WDFY4: variants seen among roughly 807,000 people sequenced by gnomAD.
WDFY4 encodes the protein WD repeat- and FYVE domain-containing protein 4.
Under a neutral mutation model 351.9 loss-of-function variants are expected in WDFY4, and 169 were observed. That is an observed-to-expected ratio of 0.48 (90% CI 0.42 to 0.55). The LOEUF (loss-of-function observed/expected upper bound fraction) is 0.55, where lower values mean the gene tolerates loss of function less well. Ranked by LOEUF, WDFY4 falls within the 20% of genes least tolerant of loss-of-function variation. WDFY4 has a pLI of 0.00. For synonymous variants in WDFY4, 1,622 were observed against 1,574.6 expected, an observed-to-expected ratio of 1.03 and a Z score of -0.71; for missense variants, 3,803 against 3,935.6, an observed-to-expected ratio of 0.97 and a Z score of 0.90.
At chr10:48,969,634 G>C (rs1842247425) in intron 56 of WDFY4, among the ~76,000 whole-genome samples, 1 of 152,140 alleles carries the variant, frequency 6.6e-6, no homozygotes, top group Admixed American at 6.5e-5. Flanking sequence ...GGAGCAAGCT[G>C]TTTCCCTACT....
At position 48,873,633 on chromosome 10, in the gene WDFY4, C is replaced by T; in HGVS notation, c.6884C>T (p.Ala2295Val). 1.3e-6 allele frequency: 2 copies of T among 1,551,842 alleles called. No individual in the cohort carries two copies. Among genetic ancestry groups the T allele is most frequent in the Non-Finnish European group, 1.7e-6 (2 of 1,147,018 alleles). ...GAACTCGACTGGAGAGAAGGACCAG[C>T]TCGAATGAGGAAACGCATCAAACGC... ...PWELDWREGP[A>V]RMRKRIKRLS... Residue 2295 changes from alanine to valine, a missense_variant, in exon 41 of 62, where the codon GCT becomes GTT. Ala to Val is a moderately conservative substitution (Grantham distance 64). Transcript: ENST00000325239.
chr10:48,957,877 C>A (rs1342671877), intron 52 of WDFY4, among the ~76,000 whole-genome samples: 1 of 152,194 alleles, frequency 6.6e-6, no homozygotes, highest in Non-Finnish European at 1.5e-5. Context: ...CCCCTGGGGA[C>A]TGTTTGTATG....
At chr10:48,950,964 G>A (rs1841294169) in intron 51 of WDFY4, among the ~76,000 whole-genome samples, 1 of 152,230 alleles carries the variant, frequency 6.6e-6, no homozygotes, top group African/African-American at 2.4e-5. Flanking sequence ...ACCCAGTGCG[G>A]TCTGCTGGGT....
intron 41 of WDFY4, 106 bp from the exon 42 acceptor site, chr10:48,874,983 G>T: frequency 2.0e-6 from 1 of 501,530 alleles, no homozygotes; most frequent in Non-Finnish European, 3.3e-6. Flanking sequence ...ATAATTTGAA[G>T]GGGTCACATG....
intron 2 of WDFY4, among the ~76,000 whole-genome samples, chr10:48,716,968 TAA>T (rs1257859018): frequency 6.6e-6 from 1 of 152,222 alleles, no homozygotes; most frequent in African/African-American, 2.4e-5. Context: ...GTGGCAGCTA[TAA>T]GTTTCGTAGA....
At chr10:48,966,458 T>C in intron 54 of WDFY4, 68 bp from the exon 55 acceptor site, 1 of 1,476,982 alleles carries the variant, frequency 6.8e-7, no homozygotes, top group Non-Finnish European at 9.1e-7. Flanking sequence ...GCAGCTACAG[T>C]GTGCACAGGG....
intron 1 of WDFY4, among the ~76,000 whole-genome samples, chr10:48,708,636 G>A (rs2063694123): frequency 6.6e-6 from 1 of 152,178 alleles, no homozygotes; most frequent in African/African-American, 2.4e-5. Flanking sequence ...TTGAAGGTGT[G>A]TACCTTTGGG....
intron 57 of WDFY4, among the ~76,000 whole-genome samples, chr10:48,974,527 A>AACAAAACAAC (rs1701883534): frequency 1.3e-4 from 3 of 23,148 alleles, no homozygotes; most frequent in Non-Finnish European, 1.9e-4. Context: ...AAAAAAAAAA[A>AACAAAACAAC]AACAACTCAT....
intron 47 of WDFY4, among the ~76,000 whole-genome samples, chr10:48,937,424 T>C (rs1840451364): frequency 1.3e-5 from 2 of 152,198 alleles, no homozygotes; most frequent in South Asian, 4.2e-4. Flanking sequence ...TGGCAGGTGC[T>C]CTGAACAGTC....
intron 47 of WDFY4, among the ~76,000 whole-genome samples, chr10:48,907,318 C>A (rs192896655): frequency 1.3e-5 from 2 of 152,298 alleles, no homozygotes. Context: ...TGGAAACATC[C>A]ACCATGTCAT....
chr10:48,978,305 G>A lies in WDFY4; in HGVS notation c.9292-4G>A, dbSNP rs1053936856. The A allele has an allele frequency of 5.2e-6, 8 of 1,550,740 alleles. No homozygotes were observed. Among genetic ancestry groups the A allele is most frequent in the Non-Finnish European group, 7.0e-6 (8 of 1,146,580 alleles). ...CGCCGATGACATTTGCTCTTTTGGG[G>A]CAGGTTTGGAAGACTGAGGATGTGA... On this transcript the variant is annotated splice_region_variant and splice_polypyrimidine_tract_variant and intron_variant, in intron 59 of 61. Coordinates refer to ENST00000325239, the MANE Select transcript of WDFY4 (RefSeq NM_001394531.1).
chr10:48,719,993 T>C lies in WDFY4; in HGVS notation c.235-18T>C, dbSNP rs2064027385. On this transcript the variant is annotated intron_variant, in intron 2 of 61. Coordinates refer to ENST00000325239, the MANE Select transcript of WDFY4 (RefSeq NM_001394531.1). ...TGTGGCATTGCTATCTCTGACCAAG[T>C]CCCATCTGTTGCTTCAGGCCTGGGA... 1.3e-6 allele frequency: 2 copies of C among 1,549,962 alleles called. No homozygotes were observed. The highest frequency in any genetic ancestry group is 2.7e-5 in the African/African-American group (2 of 73,130).
intron 47 of WDFY4, chr10:48,913,380 G>C (rs12774010): frequency 0.13 from 205,051 of 1,605,578 alleles, 14,229 homozygotes; most frequent in Middle Eastern, 0.21. Flanking sequence ...TCAGGGTCAG[G>C]TTCCAAGTCA....
intron 28 of WDFY4, among the ~76,000 whole-genome samples, chr10:48,809,397 A>G (rs1339645471): frequency 1.5e-5 from 2 of 137,114 alleles, no homozygotes; most frequent in Non-Finnish European, 3.2e-5. Flanking sequence ...ATCACCACCA[A>G]CAGCATCATC....
intron 47 of WDFY4, among the ~76,000 whole-genome samples, chr10:48,910,483 G>A (rs988805601): frequency 2.0e-5 from 3 of 152,186 alleles, no homozygotes; most frequent in South Asian, 2.1e-4. Flanking sequence ...AGGTGACTGA[G>A]GTATTTTAGA....
intron 47 of WDFY4, among the ~76,000 whole-genome samples, chr10:48,933,354 C>T (rs1419744265): frequency 6.6e-6 from 1 of 152,212 alleles, no homozygotes; most frequent in Non-Finnish European, 1.5e-5. Flanking sequence ...AGGGCCTAGT[C>T]AAAGGCGCAT....
intron 12 of WDFY4, among the ~76,000 whole-genome samples, chr10:48,748,539 G>A (rs942722380): frequency 1.1e-4 from 16 of 152,178 alleles, no homozygotes; most frequent in African/African-American, 3.1e-4. Context: ...TGTCTGACAC[G>A]ACAGCCTGCA....
intron 12 of WDFY4, among the ~76,000 whole-genome samples, chr10:48,755,200 T>C (rs151182668): frequency 1.2e-4 from 18 of 152,286 alleles, no homozygotes. Context: ...CCTGGCTTCT[T>C]TCGCTCAGCA....
intron 47 of WDFY4, among the ~76,000 whole-genome samples, chr10:48,924,871 T>C (rs911628217): frequency 6.6e-6 from 1 of 152,270 alleles, no homozygotes; most frequent in African/African-American, 2.4e-5. Context: ...TTGACTACAA[T>C]TTTAAGCAGA....
Sources: gnomAD v4.1 joint callset for allele counts (sites outside exome capture counted in the v4.1 genomes callset) on GRCh38, gnomAD v4.1.1 for gene constraint, MANE v1.5 for transcripts, NCBI Gene and HGNC (gene_info 2026-07-23, HGNC 2026-07-21) for gene names.